Variants in NELL2 observed in about 807,000 individuals in gnomAD.
The protein encoded by NELL2 is protein kinase C-binding protein NELL2.
Under a neutral mutation model 109.6 loss-of-function variants are expected in NELL2, and 41 were observed. The observed-to-expected ratio is 0.37, with a 90% CI of 0.29 to 0.49. The LOEUF (loss-of-function observed/expected upper bound fraction) is 0.49, where lower values mean the gene tolerates loss of function less well. NELL2 is among the 20% of genes least tolerant of loss of function. The pLI, the probability that NELL2 is intolerant of heterozygous loss-of-function variation, is 0.98. For synonymous variants in NELL2, 355 were observed against 344.7 expected (o/e 1.03, Z -0.33); for missense variants, 900 against 1,008.3 (o/e 0.89, Z 1.45).
At chr12:44,807,677 G>C (rs1018291868) in intron 3 of NELL2, among the ~76,000 whole-genome samples, 3 of 151,848 alleles carry the variant, frequency 2.0e-5, no homozygotes, top group Admixed American at 1.3e-4. Context: ...ATTTTTTAAT[G>C]CTGAAAAGAA....
At chr12:44,790,179 T>A (rs779981408) in intron 3 of NELL2, among the ~76,000 whole-genome samples, 4 of 152,118 alleles carry the variant, frequency 2.6e-5, no homozygotes, top group Non-Finnish European at 5.9e-5. Context: ...TATCATCAGG[T>A]TATCTAAAGT....
intron 2 of NELL2, among the ~76,000 whole-genome samples, chr12:44,850,422 A>G (rs1944500381): frequency 6.6e-6 from 1 of 152,132 alleles, no homozygotes. Flanking sequence ...TTTTAAAAGA[A>G]TCAGGAGAGC....
chr12:44,567,248 A>G (rs1028433542), intron 15 of NELL2, among the ~76,000 whole-genome samples: 2 of 152,206 alleles, frequency 1.3e-5, no homozygotes, highest in Admixed American at 1.3e-4. Context: ...ATTTCTCAAT[A>G]CTATTTCCTT....
chr12:44,576,499 G>T (rs1246883613), intron 15 of NELL2, among the ~76,000 whole-genome samples: 1 of 151,550 alleles, frequency 6.6e-6, no homozygotes, highest in East Asian at 1.9e-4. Flanking sequence ...TCATTCCTGG[G>T]GAGACATCTA....
At chr12:44,703,938 G>T in intron 11 of NELL2, 84 bp from the exon 12 acceptor site, 1 of 1,218,934 alleles carries the variant, frequency 8.2e-7, no homozygotes, top group Non-Finnish European at 1.1e-6. Context: ...CTTTAATTTT[G>T]AAGCTATGAC....
intron 3 of NELL2, among the ~76,000 whole-genome samples, chr12:44,791,224 A>C (rs192313610): frequency 3.8e-3 from 361 of 95,008 alleles, no homozygotes; most frequent in Middle Eastern, 0.015. Context: ...ATATATATAT[A>C]TATGATGGAA....
At chr12:44,791,121 GTA>G (rs1188393357) in intron 3 of NELL2, among the ~76,000 whole-genome samples, 12 of 24,214 alleles carry the variant, frequency 5.0e-4, no homozygotes, top group South Asian at 4.0e-3. Context: ...ATATATATAT[GTA>G]TATATATATA....
At chr12:44,659,360 C>A (rs1374968448) in intron 13 of NELL2, among the ~76,000 whole-genome samples, 1 of 152,132 alleles carries the variant, frequency 6.6e-6, no homozygotes, top group African/African-American at 2.4e-5. Context: ...TCTAATTAAA[C>A]TAAAGAGCTT....
intron 3 of NELL2, among the ~76,000 whole-genome samples, chr12:44,804,396 G>A (rs568339381): frequency 3.0e-4 from 45 of 151,990 alleles, no homozygotes; most frequent in African/African-American, 9.9e-4. Flanking sequence ...TGGAAGTGGA[G>A]TGTACACAAC....
intron 2 of NELL2, among the ~76,000 whole-genome samples, chr12:44,833,431 TTC>T (rs916028503): frequency 6.6e-6 from 1 of 152,310 alleles, no homozygotes; most frequent in East Asian, 1.9e-4. Context: ...CCTTATAGTT[TTC>T]TCTGTTTCTT....
chr12:44,896,747 A>G (rs1209168586), intron 1 of NELL2, among the ~76,000 whole-genome samples: 1 of 152,192 alleles, frequency 6.6e-6, no homozygotes, highest in East Asian at 1.9e-4. Flanking sequence ...AAATACATTT[A>G]TTTTTAAAGG....
rs1347262642 is a variant in NELL2 at position 44,586,016 on chromosome 12, T to A, written c.1663+21153A>T. On this transcript the variant is annotated intron_variant, in intron 15 of 19. Transcript: ENST00000429094. ...CCCATATGCTGTTCAAATGAAATAA[T>A]AAAATTGTACCTATTTGTTCTATGA... Among the ~76,000 whole-genome samples the A allele has an allele frequency of 5.3e-5, 8 of 151,722 alleles. No homozygotes were observed. In the East Asian group the frequency reaches 1.6e-3, roughly 30 times the overall value.
intron 15 of NELL2, among the ~76,000 whole-genome samples, chr12:44,536,166 G>A (rs1942286287): frequency 6.6e-6 from 1 of 151,810 alleles, no homozygotes; most frequent in Non-Finnish European, 1.5e-5. Flanking sequence ...TCTAATTAAA[G>A]CCAAAGATCT....
intron 13 of NELL2, among the ~76,000 whole-genome samples, chr12:44,648,388 A>G (rs78481813): frequency 0.02 from 3,118 of 152,184 alleles, 102 homozygotes; most frequent in African/African-American, 0.071. Context: ...ACAGTGTGGT[A>G]CCTTAACAAC....
rs145197301 is a variant in NELL2 at position 44,743,798 on chromosome 12, A to C, written c.995-29057T>G. 1.8e-3 allele frequency among the ~76,000 whole-genome samples: 275 copies of C among 152,348 alleles called. 4 individuals are homozygous for C. The East Asian group carries it at 0.045, about 25-fold the overall frequency. On this transcript the variant is annotated intron_variant, in intron 9 of 19. Coordinates refer to ENST00000429094, the MANE Select transcript of NELL2 (RefSeq NM_001145108.2). ...AATACAGGAGCACCCAGATTCATAA[A>C]GCAAATCCTTAATGACCTACAAAGA...
At chr12:44,720,435 G>T (rs182810530) in intron 9 of NELL2, among the ~76,000 whole-genome samples, 3 of 152,204 alleles carry the variant, frequency 2.0e-5, no homozygotes, top group Admixed American at 2.0e-4. Context: ...TCTATAGCCT[G>T]TGTCTTACAG....
At chr12:44,666,220 T>G (rs929253906) in intron 12 of NELL2, among the ~76,000 whole-genome samples, 9 of 152,322 alleles carry the variant, frequency 5.9e-5, no homozygotes, top group African/African-American at 2.2e-4. Context: ...AGATCTTACA[T>G]GGTAATTCAC....
intron 12 of NELL2, among the ~76,000 whole-genome samples, chr12:44,666,002 C>G (rs1196409031): frequency 6.6e-6 from 1 of 152,112 alleles, no homozygotes; most frequent in Admixed American, 6.5e-5. Context: ...TACAGTTGAG[C>G]AGACCCTGAA....
At chr12:44,766,595 T>C (rs963724311) in intron 9 of NELL2, among the ~76,000 whole-genome samples, 7 of 152,244 alleles carry the variant, frequency 4.6e-5, no homozygotes, top group African/African-American at 1.4e-4. Flanking sequence ...TTGCATTTTC[T>C]GCCTAGGTTG....
Sources: allele counts gnomAD v4.1 joint callset (sites outside exome capture counted in the v4.1 genomes callset), GRCh38; gene constraint gnomAD v4.1.1; transcripts MANE v1.5; gene names NCBI Gene and HGNC (gene_info 2026-07-23, HGNC 2026-07-21).